The following SNTB1 variants were observed in gnomAD, a reference collection of about 807,000 sequenced individuals.
SNTB1 encodes syntrophin beta 1.
SNTB1 carries 36 observed loss-of-function variants against 48.9 expected under a neutral mutation model. The observed-to-expected ratio is 0.74, with a 90% CI of 0.56 to 0.97. The LOEUF is 0.97. SNTB1 is among the 50% of genes least tolerant of loss of function. SNTB1 has a pLI of 0.00. For missense variants in SNTB1, 786 were observed against 703.4 expected (o/e 1.12, Z -1.33); for synonymous variants, 299 against 294.6 (o/e 1.01, Z -0.15).
At chr8:120,792,101 GCACA>G (rs35253518) in intron 1 of SNTB1, among the ~76,000 whole-genome samples, 6 of 148,836 alleles carry the variant, frequency 4.0e-5, no homozygotes, top group East Asian at 2.0e-4. Flanking sequence ...TACTAAAGAA[GCACA>G]CACACACACA....
At chr8:120,591,526 A>G (rs1490785251) in intron 3 of SNTB1, among the ~76,000 whole-genome samples, 1 of 152,172 alleles carries the variant, frequency 6.6e-6, no homozygotes, top group Admixed American at 6.5e-5. Flanking sequence ...TTATACCTCA[A>G]AATGTGAGGA....
chr8:120,544,972 C>T (rs1815352870), intron 5 of SNTB1, among the ~76,000 whole-genome samples: 2 of 152,128 alleles, frequency 1.3e-5, no homozygotes, highest in Non-Finnish European at 2.9e-5. Flanking sequence ...CAAAACATCT[C>T]ATTTTTCATG....
At chr8:120,754,770 A>G (rs1006311216) in intron 1 of SNTB1, among the ~76,000 whole-genome samples, 6 of 152,324 alleles carry the variant, frequency 3.9e-5, no homozygotes, top group African/African-American at 1.4e-4. Flanking sequence ...GGGCACAAAC[A>G]AGATCATAAG....
At chr8:120,793,782 C>T (rs940474989) in intron 1 of SNTB1, among the ~76,000 whole-genome samples, 5 of 152,006 alleles carry the variant, frequency 3.3e-5, no homozygotes, top group African/African-American at 4.8e-5. Context: ...TTCTAGAACA[C>T]ATTAACAATT....
At chr8:120,706,788 C>G (rs1378760431) in intron 1 of SNTB1, among the ~76,000 whole-genome samples, 1 of 152,126 alleles carries the variant, frequency 6.6e-6, no homozygotes, top group Non-Finnish European at 1.5e-5. Flanking sequence ...CCAGGTGTAG[C>G]TTCATAATAA....
intron 4 of SNTB1, among the ~76,000 whole-genome samples, chr8:120,550,368 C>T (rs189348594): frequency 0.01 from 1,592 of 151,932 alleles, 18 homozygotes; most frequent in Middle Eastern, 0.02. Context: ...ATGCGGAAAC[C>T]CCGTCTCTAC....
chr8:120,784,440 C>T (rs537694542), intron 1 of SNTB1, among the ~76,000 whole-genome samples: 22 of 152,108 alleles, frequency 1.4e-4, no homozygotes, highest in African/African-American at 4.8e-4. Flanking sequence ...AGCTACTCCA[C>T]GATGTGGCAG....
intron 2 of SNTB1, among the ~76,000 whole-genome samples, chr8:120,668,246 A>G (rs1817706119): frequency 6.6e-6 from 1 of 152,182 alleles, no homozygotes; most frequent in Non-Finnish European, 1.5e-5. Context: ...AGGCAGGGGC[A>G]CTTCTCAGAG....
chr8:120,708,975 T>A (rs921626987), intron 1 of SNTB1, among the ~76,000 whole-genome samples: 1 of 152,114 alleles, frequency 6.6e-6, no homozygotes, highest in African/African-American at 2.4e-5. Flanking sequence ...AGTCCTAAGC[T>A]GTGCTAAATG....
rs1354653193 is a variant in SNTB1 at position 120,811,826 on chromosome 8, C to A, written c.18G>T (p.Ala6=). MAVAA[A]AAAAGPAGAG... ...CGCCAGCCGGCCCAGCCGCCGCCGC[C>A]GCCGCCGCTACCGCCATCTTTCCGG... Residue 6 remains alanine (A), a synonymous_variant, in exon 1 of 7, where the codon GCG becomes GCT. Coordinates refer to ENST00000517992, the MANE Select transcript of SNTB1 (RefSeq NM_021021.4). 1 of 1,350,394 alleles carries A rather than the reference C, an allele frequency of 7.4e-7. No individual in the cohort carries two copies. The highest frequency in any genetic ancestry group is 9.5e-7 in the Non-Finnish European group (1 of 1,054,874). 83.7% of individuals were successfully genotyped at this position (1,350,394 alleles called of 1,614,324 possible).
chr8:120,621,105 A>T (rs940254704), intron 3 of SNTB1, among the ~76,000 whole-genome samples: 2 of 151,964 alleles, frequency 1.3e-5, no homozygotes, highest in Non-Finnish European at 2.9e-5. Context: ...GATTACAGGC[A>T]CCCGACACCA....
chr8:120,639,431 G>A (rs1563838566), intron 2 of SNTB1, among the ~76,000 whole-genome samples: 1 of 152,154 alleles, frequency 6.6e-6, no homozygotes, highest in Non-Finnish European at 1.5e-5. Flanking sequence ...TGTTGCCATT[G>A]CTTTTGTGTT....
At chr8:120,664,326 A>G (rs1046063449) in intron 2 of SNTB1, among the ~76,000 whole-genome samples, 2 of 152,238 alleles carry the variant, frequency 1.3e-5, no homozygotes, top group African/African-American at 4.8e-5. Context: ...AATAGCAAAT[A>G]GTCCAGTTTA....
intron 1 of SNTB1, among the ~76,000 whole-genome samples, chr8:120,758,852 A>G (rs766230057): frequency 2.6e-5 from 4 of 152,124 alleles, no homozygotes; most frequent in Non-Finnish European, 4.4e-5. Context: ...AGAACTCCAT[A>G]TTGTATATTT....
intron 1 of SNTB1, among the ~76,000 whole-genome samples, chr8:120,724,431 G>A (rs10105535): frequency 6.6e-6 from 1 of 152,202 alleles, no homozygotes; most frequent in Non-Finnish European, 1.5e-5. Context: ...GCATGCACAA[G>A]TTGAGCTCCT....
chr8:120,773,960 G>C (rs1819685594), intron 1 of SNTB1, among the ~76,000 whole-genome samples: 1 of 152,200 alleles, frequency 6.6e-6, no homozygotes, highest in Admixed American at 6.5e-5. Flanking sequence ...ATATTTATCG[G>C]AAACCAAGTG....
At chr8:120,738,947 C>T (rs1818997781) in intron 1 of SNTB1, among the ~76,000 whole-genome samples, 1 of 152,130 alleles carries the variant, frequency 6.6e-6, no homozygotes, top group African/African-American at 2.4e-5. Flanking sequence ...ACCATGTCTG[C>T]AATTTAGAAA....
chr8:120,682,045 A>C (rs1817939915), intron 2 of SNTB1, among the ~76,000 whole-genome samples: 1 of 152,172 alleles, frequency 6.6e-6, no homozygotes, highest in African/African-American at 2.4e-5. Context: ...AAAAGCTAAA[A>C]TATGACAGGT....
At chr8:120,655,513 T>C (rs904352059) in intron 2 of SNTB1, among the ~76,000 whole-genome samples, 66 of 152,292 alleles carry the variant, frequency 4.3e-4, no homozygotes, top group African/African-American at 1.6e-3. Flanking sequence ...CTTAGTGGGG[T>C]AGCCCATCCT....
Sources: allele counts gnomAD v4.1 joint callset (sites outside exome capture counted in the v4.1 genomes callset), GRCh38; gene constraint gnomAD v4.1.1; transcripts MANE v1.5; gene names NCBI Gene and HGNC (gene_info 2026-07-23, HGNC 2026-07-21).